Variants in USP24 observed in about 807,000 individuals in gnomAD.
USP24 encodes ubiquitin specific peptidase 24, also known as ubiquitin carboxyl-terminal hydrolase 24.
Under a neutral mutation model 361.6 loss-of-function variants are expected in USP24, and 97 were observed. The ratio of observed to expected loss-of-function variants is 0.27; its 90% confidence interval spans 0.23 to 0.32. The LOEUF (loss-of-function observed/expected upper bound fraction) is 0.32. USP24 is among the 10% of genes least tolerant of loss of function. The pLI is 1.00. For missense variants in USP24, 2,353 were observed against 3,165.6 expected (o/e 0.74, Z 6.16); for synonymous variants, 1,098 against 1,124.6 (o/e 0.98, Z 0.47).
At chr1:55,154,320 A>G in intron 14 of USP24, 40 bp from the exon 15 acceptor site, 1 of 1,578,074 alleles carries the variant, frequency 6.3e-7, no homozygotes, top group East Asian at 2.3e-5. Flanking sequence ...CCAATATGCA[A>G]ATAGCTGCTT....
intron 43 of USP24, among the ~76,000 whole-genome samples, chr1:55,101,378 GTAA>G (rs1345219864): frequency 3.9e-5 from 6 of 152,248 alleles, no homozygotes; most frequent in Non-Finnish European, 7.4e-5. Flanking sequence ...AAGTCCATCT[GTAA>G]TACAGGCAGC....
rs750294668 is a variant in USP24, at chr1:55,154,412, G to T, written c.1609C>A (p.Arg537=). ...TCAAAGCGAGCTTCCCGGCCTATTCGTCCAATCAGGCTCAAAAGCTTCTGT... is the reference window on the plus strand; with the variant it reads ...TCAAAGCGAGCTTCCCGGCCTATTCTTCCAATCAGGCTCAAAAGCTTCTGT... The part of the protein sequence containing the change: ...VRQKLLSLIG[R]IGREARFETT... The change falls in exon 14 of 68, where the codon CGA becomes AGA. Residue 537 remains arginine (R), a synonymous_variant. Coordinates refer to ENST00000294383, the MANE Select transcript of USP24 (RefSeq NM_015306.3). 30 of 1,551,288 alleles carry T rather than the reference G, an allele frequency of 1.9e-5. No individual in the cohort carries two copies. The highest frequency in any genetic ancestry group is 2.6e-5 in the Non-Finnish European group (30 of 1,146,822).
rs1646626511 is a variant in USP24, at chr1:55,132,709, A to C, written c.3382-9T>G. On this transcript the variant is annotated splice_polypyrimidine_tract_variant and intron_variant, in intron 30 of 67. Transcript: ENST00000294383. The stretch of plus-strand genomic sequence containing the variant: ...TCAGACAGCAATGTTTTCTAAGTTT[A>C]AGAGAATGAGAAAGACATAAACTAC... The C allele has an allele frequency of 3.7e-6, 6 of 1,609,390 alleles. No individual in the cohort carries two copies. In the South Asian group the frequency reaches 6.6e-5, roughly 18 times the overall value.
intron 3 of USP24, among the ~76,000 whole-genome samples, chr1:55,175,217 C>A (rs926049598): frequency 1.8e-5 from 2 of 110,280 alleles, no homozygotes; most frequent in African/African-American, 6.4e-5. Context: ...TTTACTGGGT[C>A]TCTTTTTTTT....
At chr1:55,147,828 T>G in intron 17 of USP24, 30 bp from the exon 18 acceptor site, 1 of 1,605,732 alleles carries the variant, frequency 6.2e-7, no homozygotes, top group Non-Finnish European at 8.5e-7. Flanking sequence ...AGAAAAGTGG[T>G]AATGAGAATT....
intron 38 of USP24, among the ~76,000 whole-genome samples, chr1:55,110,919 G>A (rs765402702): frequency 2.0e-4 from 31 of 152,028 alleles, no homozygotes; most frequent in Admixed American, 3.9e-4. Context: ...AAAAACATAC[G>A]CATATACACA....
intron 5 of USP24, among the ~76,000 whole-genome samples, chr1:55,169,399 G>A (rs139277320): frequency 1.3e-5 from 2 of 152,104 alleles, no homozygotes; most frequent in Admixed American, 6.6e-5. Flanking sequence ...GGGGAAGAGG[G>A]AATATTTTAA....
intron 67 of USP24, among the ~76,000 whole-genome samples, chr1:55,070,841 G>T (rs1384575141): frequency 1.3e-5 from 2 of 152,208 alleles, no homozygotes; most frequent in African/African-American, 4.8e-5. Context: ...CTCTGCCAAG[G>T]TGGGCGGGGA....
rs1330665747 is a variant in USP24, at chr1:55,215,192, C to T, written c.-79G>A. ...GGCCTGGCGGGCCGCGCGGCGCACC[C>T]TCCGCGCCGCCTCCGCGCCCAGGTT... On this transcript the variant is annotated 5_prime_UTR_variant, in exon 1 of 68. Coordinates refer to ENST00000294383, the MANE Select transcript of USP24 (RefSeq NM_015306.3). The T allele has an allele frequency of 1.1e-5, 12 of 1,142,508 alleles. No homozygotes were observed. The African/African-American group carries it at 1.6e-4, about 15-fold the overall frequency. 70.8% of individuals were successfully genotyped at this position (1,142,508 alleles called of 1,614,324 possible).
intron 67 of USP24, 27 bp downstream of exon 67, chr1:55,071,787 C>T: frequency 6.3e-7 from 1 of 1,590,836 alleles, no homozygotes. Context: ...CTGCCCTTTG[C>T]ACACAAGGAC....
At chr1:55,110,148 C>G (rs1244277076) in intron 39 of USP24, 37 bp downstream of exon 39, 1 of 1,496,696 alleles carries the variant, frequency 6.7e-7, no homozygotes, top group South Asian at 1.3e-5. Flanking sequence ...CTACTCTTCC[C>G]CAGCCCCTCT....
At position 55,093,985 on chromosome 1, in the gene USP24, G is replaced by T; in HGVS notation, c.6306C>A (p.Gly2102=). Residue 2102 remains glycine (G), a synonymous_variant, in exon 52 of 68, where the codon GGC becomes GGA. Transcript: ENST00000294383. ...TCTCCACAAACAGTCCTTTCTTCTC[G>T]CCTTTTTTAACCAGCTTGGTAAGAA... The part of the protein sequence containing the change: ...LSILTKLVKK[G]EKKGLFVEKM... 6.2e-7 allele frequency: 1 copy of T among 1,613,582 alleles called. No individual in the cohort carries two copies. The highest frequency in any genetic ancestry group is 8.5e-7 in the Non-Finnish European group (1 of 1,179,804).
intron 67 of USP24, chr1:55,071,246 G>A (rs562002694): frequency 2.1e-5 from 21 of 987,714 alleles, no homozygotes; most frequent in Non-Finnish European, 2.3e-5. Flanking sequence ...TTGGAAAGAC[G>A]TAATGATTAA....
intron 1 of USP24, among the ~76,000 whole-genome samples, chr1:55,182,076 G>C (rs766396513): frequency 6.6e-5 from 10 of 152,008 alleles, no homozygotes; most frequent in Non-Finnish European, 1.2e-4. Context: ...TTTTTGAGAC[G>C]GAGTCTCGCT....
At chr1:55,172,856 T>C (rs1381408781) in intron 3 of USP24, among the ~76,000 whole-genome samples, 1 of 152,188 alleles carries the variant, frequency 6.6e-6, no homozygotes, top group Admixed American at 6.6e-5. Context: ...GTATTACTGT[T>C]TTCTAGCTGT....
rs1273229331 is a variant in USP24 at position 55,077,230 on chromosome 1, C to T, written c.7380+5G>A. ...TAAAAGTGAGTCAGAACAGTTATGA[C>T]TTACCAATATTTCATGAAGTAGTTG... On this transcript the variant is annotated splice_donor_5th_base_variant and intron_variant, in intron 62 of 67. Transcript: ENST00000294383. The T allele has an allele frequency of 1.3e-6, 2 of 1,539,960 alleles. No homozygotes were observed. The highest frequency in any genetic ancestry group is 1.9e-5 in the Admixed American group (1 of 53,426).
intron 34 of USP24, 116 bp from the exon 35 acceptor site, chr1:55,124,744 A>G (rs374087374): frequency 1.8e-6 from 2 of 1,137,918 alleles, no homozygotes; most frequent in African/African-American, 3.1e-5. Context: ...AAGGTCATCC[A>G]GAAAGATGGC....
At chr1:55,148,785 C>A (rs972983826) in intron 16 of USP24, among the ~76,000 whole-genome samples, 2 of 152,146 alleles carry the variant, frequency 1.3e-5, no homozygotes, top group Non-Finnish European at 2.9e-5. Context: ...GAACTGCAAA[C>A]AGGAGTGGAT....
rs144477377 is a variant in USP24, at chr1:55,191,764, A to T, written c.325-13632T>A. Among the ~76,000 whole-genome samples, 180 of 152,274 alleles carry T rather than the reference A, an allele frequency of 1.2e-3. 1 individual carries two copies. The highest frequency in any genetic ancestry group is 4.2e-3 in the African/African-American group (175 of 41,564). On this transcript the variant is annotated intron_variant, in intron 1 of 67. Transcript: ENST00000294383. Reference sequence around the variant, plus strand: ...CTCTGGCTCCCAAAGCGCTAGGATTACAGGCATGAGCCACCCTGCCTGGCC... The same window carrying T: ...CTCTGGCTCCCAAAGCGCTAGGATTTCAGGCATGAGCCACCCTGCCTGGCC...
Sources: allele counts gnomAD v4.1 joint callset (sites outside exome capture counted in the v4.1 genomes callset), GRCh38; gene constraint gnomAD v4.1.1; transcripts MANE v1.5; gene names NCBI Gene and HGNC (gene_info 2026-07-23, HGNC 2026-07-21).